Variants in SGCZ observed in about 807,000 individuals in gnomAD.
SGCZ encodes zeta-sarcoglycan.
SGCZ carries 40 observed loss-of-function variants against 41.3 expected under a neutral mutation model. The ratio of observed to expected loss-of-function variants is 0.97; its 90% CI spans 0.75 to 1.26. SGCZ has a LOEUF of 1.26. SGCZ is among the 50% of genes most tolerant of loss of function. The pLI is 0.00. For missense variants in SGCZ, 552 were observed against 369.8 expected (o/e 1.49, Z -4.04); for synonymous variants, 206 against 137.5 (o/e 1.50, Z -3.49).
chr8:14,182,941 C>T (rs1332338770), intron 4 of SGCZ, among the ~76,000 whole-genome samples: 5 of 144,252 alleles, frequency 3.5e-5, no homozygotes, highest in Admixed American at 7.3e-5. Context: ...ACCCAGGAGG[C>T]AGAGGTTGCA....
intron 2 of SGCZ, among the ~76,000 whole-genome samples, chr8:14,453,740 A>G (rs1390727884): frequency 6.6e-6 from 1 of 152,222 alleles, no homozygotes; most frequent in Non-Finnish European, 1.5e-5. Context: ...CATCTTTAAC[A>G]ATGTTCAGAA....
At chr8:14,967,393 C>T (rs1801157264) in intron 1 of SGCZ, among the ~76,000 whole-genome samples, 1 of 152,152 alleles carries the variant, frequency 6.6e-6, no homozygotes, top group Admixed American at 6.5e-5. Context: ...TCCCTATTTC[C>T]ATGCATCTTC....
intron 1 of SGCZ, among the ~76,000 whole-genome samples, chr8:15,195,358 T>C (rs1432415185): frequency 4.6e-5 from 7 of 152,168 alleles, no homozygotes; most frequent in Admixed American, 4.6e-4. Context: ...GTAACTGATT[T>C]GTCTGAACAC....
intron 3 of SGCZ, among the ~76,000 whole-genome samples, chr8:14,282,972 C>G (rs1026450016): frequency 1.3e-5 from 2 of 149,248 alleles, no homozygotes; most frequent in African/African-American, 5.0e-5. Flanking sequence ...GCCTCAGCCT[C>G]CCGAGTAGCT....
At chr8:15,136,123 G>C (rs1808096989) in intron 1 of SGCZ, among the ~76,000 whole-genome samples, 1 of 152,012 alleles carries the variant, frequency 6.6e-6, no homozygotes, top group Non-Finnish European at 1.5e-5. Context: ...CCCTGTTTTA[G>C]CTGGTCCTCA....
At chr8:14,891,467 A>G (rs1452065393) in intron 1 of SGCZ, among the ~76,000 whole-genome samples, 1 of 152,218 alleles carries the variant, frequency 6.6e-6, no homozygotes, top group Non-Finnish European at 1.5e-5. Flanking sequence ...ATGTGACTGA[A>G]TTGCTACAGT....
At chr8:14,215,883 C>T (rs949739828) in intron 4 of SGCZ, among the ~76,000 whole-genome samples, 6 of 152,198 alleles carry the variant, frequency 3.9e-5, no homozygotes, top group African/African-American at 7.2e-5. Flanking sequence ...GGGTGCAACC[C>T]GCAGACACTG....
intron 3 of SGCZ, among the ~76,000 whole-genome samples, chr8:14,298,591 CA>C (rs1801092463): frequency 1.3e-5 from 2 of 151,856 alleles, no homozygotes; most frequent in Non-Finnish European, 2.9e-5. Flanking sequence ...TTTATTACAA[CA>C]TTAAAAATTT....
intron 1 of SGCZ, among the ~76,000 whole-genome samples, chr8:14,950,502 A>T (rs917770143): frequency 6.6e-6 from 1 of 152,026 alleles, no homozygotes; most frequent in Non-Finnish European, 1.5e-5. Flanking sequence ...GAATATCTTT[A>T]ACTGTTGATA....
chr8:15,202,107 G>T (rs1326108135), intron 1 of SGCZ, among the ~76,000 whole-genome samples: 1 of 152,120 alleles, frequency 6.6e-6, no homozygotes, highest in Admixed American at 6.5e-5. Context: ...TGTGATGAAA[G>T]CAACTGAATA....
chr8:15,048,059 C>A (rs986384633), intron 1 of SGCZ, among the ~76,000 whole-genome samples: 4 of 152,066 alleles, frequency 2.6e-5, no homozygotes, highest in African/African-American at 9.6e-5. Flanking sequence ...CCATTCTTCA[C>A]AATAGCCAAG....
intron 5 of SGCZ, among the ~76,000 whole-genome samples, chr8:14,137,823 C>A (rs1349152996): frequency 6.6e-6 from 1 of 152,108 alleles, no homozygotes; most frequent in Non-Finnish European, 1.5e-5. Context: ...TCAGGAAATA[C>A]AGAGAACGCC....
chr8:14,792,019 T>C (rs1800972287), intron 1 of SGCZ, among the ~76,000 whole-genome samples: 1 of 152,128 alleles, frequency 6.6e-6, no homozygotes, highest in Non-Finnish European at 1.5e-5. Flanking sequence ...CATAAGGCCG[T>C]CTAGCATGTT....
At chr8:14,815,322 G>T (rs188406198) in intron 1 of SGCZ, among the ~76,000 whole-genome samples, 1 of 150,388 alleles carries the variant, frequency 6.6e-6, no homozygotes, top group African/African-American at 2.4e-5. Flanking sequence ...TATACATAGC[G>T]GAAAGTTGAT....
chr8:14,273,621 T>G (rs1219781193), intron 3 of SGCZ, among the ~76,000 whole-genome samples: 1 of 152,198 alleles, frequency 6.6e-6, no homozygotes, highest in Non-Finnish European at 1.5e-5. Context: ...TTGCATATTG[T>G]GTTTTAAACC....
Position 14,982,842 on chromosome 8 carries a change from A to G in SGCZ, c.39+254743T>C, listed in dbSNP as rs111565883. ...CACTTATTTGGCCCGTCCTACCACT[A>G]TAAGCAGCAACTGCTACTGATCGTT... On this transcript the variant is annotated intron_variant, in intron 1 of 7. Transcript: ENST00000382080. Among the ~76,000 whole-genome samples, 874 of 152,340 alleles carry G rather than the reference A, an allele frequency of 5.7e-3. 13 individuals carry two copies. The highest frequency in any genetic ancestry group is 0.02 in the African/African-American group (835 of 41,576).
chr8:15,007,383 A>G (rs1054387167), intron 1 of SGCZ, among the ~76,000 whole-genome samples: 6 of 152,236 alleles, frequency 3.9e-5, no homozygotes, highest in Non-Finnish European at 8.8e-5. Flanking sequence ...AATTTGTTAA[A>G]AACTCTTGAA....
At chr8:14,121,211 A>G (rs1405989503) in intron 5 of SGCZ, among the ~76,000 whole-genome samples, 3 of 151,954 alleles carry the variant, frequency 2.0e-5, no homozygotes, top group East Asian at 1.9e-4. Flanking sequence ...TCAACATTCA[A>G]TTAAATTACA....
rs909903046 is a variant in SGCZ, at chr8:14,268,790, T to G, written c.337-31111A>C. On this transcript the variant is annotated intron_variant, in intron 3 of 7. Transcript: ENST00000382080. ...TGTATTGCTCATTTAAAAAATCTAG[T>G]TACATATTTAGTCTGGAATATAAAA... Among the ~76,000 whole-genome samples, 59 of 152,106 alleles carry G rather than the reference T, an allele frequency of 3.9e-4. 1 individual carries two copies. The highest frequency in any genetic ancestry group is 1.4e-3 in the African/African-American group (57 of 41,582).
Sources: gnomAD v4.1 joint callset for allele counts (sites outside exome capture counted in the v4.1 genomes callset) on GRCh38, gnomAD v4.1.1 for gene constraint, MANE v1.5 for transcripts, NCBI Gene and HGNC (gene_info 2026-07-23, HGNC 2026-07-21) for gene names.